RIMS2: variants seen among roughly 807,000 people sequenced by gnomAD.
RIMS2 encodes the protein regulating synaptic membrane exocytosis 2, also known as regulating synaptic membrane exocytosis protein 2.
In RIMS2, 59 loss-of-function variants were observed where a neutral mutation model predicts 174.4. That is an observed-to-expected ratio of 0.34 (90% CI 0.27 to 0.42). The LOEUF (loss-of-function observed/expected upper bound fraction) is 0.42, where lower values mean the gene tolerates loss of function less well. Ranked by LOEUF, RIMS2 falls within the 10% of genes least tolerant of loss-of-function variation. RIMS2 has a pLI of 1.00. For missense variants in RIMS2, 1,620 were observed against 1,666.3 expected, an observed-to-expected ratio of 0.97 and a Z score of 0.48; for synonymous variants, 606 against 572.5, an observed-to-expected ratio of 1.06 and a Z score of -0.84.
chr8:104,014,745 A>G (rs1311164353), intron 19 of RIMS2, 130 bp downstream of exon 21: 12 of 458,880 alleles, frequency 2.6e-5, no homozygotes, highest in Non-Finnish European at 4.6e-5. Flanking sequence ...ATTTGATAAT[A>G]GTTATATTTA....
chr8:103,615,063 C>T (rs1282773417), intron 1 of RIMS2, among the ~76,000 whole-genome samples: 2 of 152,234 alleles, frequency 1.3e-5, no homozygotes, highest in Middle Eastern at 3.4e-3. Context: ...CTCTTACTGG[C>T]TATAATTAGC....
intron 2 of RIMS2, among the ~76,000 whole-genome samples, chr8:103,750,687 T>C (rs2139703104): frequency 6.6e-6 from 1 of 152,200 alleles, no homozygotes; most frequent in East Asian, 1.9e-4. Context: ...GATGGTTTTA[T>C]AGGTGTCTGT....
At chr8:103,626,755 A>G (rs2449905) in intron 1 of RIMS2, among the ~76,000 whole-genome samples, 4,206 of 152,198 alleles carry the variant, frequency 0.028, 82 homozygotes, top group Middle Eastern at 0.054. Context: ...GTGTCATCAC[A>G]TATTGGTAGG....
chr8:104,160,533 AG>A (rs2098754670), intron 19 of RIMS2, among the ~76,000 whole-genome samples: 1 of 152,206 alleles, frequency 6.6e-6, no homozygotes, highest in Non-Finnish European at 1.5e-5. Flanking sequence ...AACTCTTGAA[AG>A]CTTTTGTTAA....
chr8:103,536,757 C>T (rs1352699805), intron 1 of RIMS2, among the ~76,000 whole-genome samples: 2 of 152,130 alleles, frequency 1.3e-5, no homozygotes, highest in Non-Finnish European at 2.9e-5. Context: ...GAGCTCTGCC[C>T]CTATGATCCA....
chr8:103,606,701 T>C (rs1162825573), intron 1 of RIMS2, among the ~76,000 whole-genome samples: 1 of 152,192 alleles, frequency 6.6e-6, no homozygotes, highest in Non-Finnish European at 1.5e-5. Context: ...TGGGTGCATA[T>C]ATATTTAGGA....
chr8:103,936,524 TTCATAATTCA>T lies in RIMS2; in HGVS notation c.2376-25_2376-16del. The stretch of plus-strand genomic sequence containing the variant: ...GACAAAACTTATAGTTCTATGTAAG[TTCATAATTCA>T]TTGTTTTTTTCCATAGTGATAAAAA... On this transcript the variant is annotated splice_polypyrimidine_tract_variant and intron_variant, in intron 12 of 23. Transcript: ENST00000504942. The T allele has an allele frequency of 6.9e-7, 1 of 1,449,782 alleles. No individual in the cohort carries two copies. The highest frequency in any genetic ancestry group is 9.3e-7 in the Non-Finnish European group (1 of 1,070,198). The allele number at this position is 1,449,782 out of a possible 1,614,324, so 89.8% of individuals were successfully genotyped here.
chr8:103,817,392 A>C (rs1331603589), intron 3 of RIMS2, among the ~76,000 whole-genome samples: 1 of 152,228 alleles, frequency 6.6e-6, no homozygotes, highest in Non-Finnish European at 1.5e-5. Context: ...ATCACAGGGA[A>C]GGAACATAGA....
chr8:104,036,800 C>A (rs1245088333), intron 19 of RIMS2, among the ~76,000 whole-genome samples: 1 of 152,084 alleles, frequency 6.6e-6, no homozygotes, highest in African/African-American at 2.4e-5. Context: ...TCGCTTGAAC[C>A]CGGGAGGCGG....
chr8:103,883,346 T>C (rs1243925829), intron 3 of RIMS2, among the ~76,000 whole-genome samples: 1 of 151,794 alleles, frequency 6.6e-6, no homozygotes, highest in African/African-American at 2.4e-5. Context: ...CTCTTCATGA[T>C]AGACTACTAT....
At chr8:103,694,049 G>A (rs1434598730) in intron 1 of RIMS2, among the ~76,000 whole-genome samples, 1 of 152,112 alleles carries the variant, frequency 6.6e-6, no homozygotes, top group African/African-American at 2.4e-5. Flanking sequence ...GAGTGGATTT[G>A]GAGACTTTTT....
At chr8:103,956,413 A>G (rs1031340178) in intron 14 of RIMS2, among the ~76,000 whole-genome samples, 2 of 152,204 alleles carry the variant, frequency 1.3e-5, no homozygotes, top group Non-Finnish European at 2.9e-5. Context: ...ATATAGACCA[A>G]TGGGACAGAA....
At chr8:104,042,297 C>T (rs1470563681) in intron 19 of RIMS2, among the ~76,000 whole-genome samples, 1 of 151,468 alleles carries the variant, frequency 6.6e-6, no homozygotes, top group Non-Finnish European at 1.5e-5. Flanking sequence ...AGTAGCTTCA[C>T]ACAAGTTTGG....
chr8:103,817,806 A>T (rs946773983), intron 3 of RIMS2, among the ~76,000 whole-genome samples: 4 of 152,086 alleles, frequency 2.6e-5, no homozygotes, highest in African/African-American at 9.7e-5. Flanking sequence ...AAAAATAAAT[A>T]AATAAAGCAT....
intron 19 of RIMS2, among the ~76,000 whole-genome samples, chr8:104,101,824 A>G (rs1247008493): frequency 6.6e-6 from 1 of 152,178 alleles, no homozygotes; most frequent in Non-Finnish European, 1.5e-5. Context: ...TTTATATTTT[A>G]TCAGGCAAAC....
chr8:103,885,402 G>T, exon 4 of RIMS2: 1 of 1,612,666 alleles, frequency 6.2e-7, no homozygotes, highest in Non-Finnish European at 8.5e-7. Flanking sequence ...GCAATGCCTA[G>T]ATCTCCATCA....
chr8:103,571,911 T>A (rs185217719), intron 1 of RIMS2, among the ~76,000 whole-genome samples: 201 of 152,292 alleles, frequency 1.3e-3, no homozygotes, highest in African/African-American at 4.5e-3. Flanking sequence ...CCAAAATTAA[T>A]AGTTCCCTCA....
At chr8:103,718,841 G>T (rs182907080) in intron 2 of RIMS2, among the ~76,000 whole-genome samples, 1 of 151,896 alleles carries the variant, frequency 6.6e-6, no homozygotes, top group African/African-American at 2.4e-5. Context: ...GTACATTTTT[G>T]TGTGTATTTT....
At chr8:103,659,127 T>C (rs1437889510) in intron 1 of RIMS2, among the ~76,000 whole-genome samples, 1 of 152,200 alleles carries the variant, frequency 6.6e-6, no homozygotes, top group Admixed American at 6.5e-5. Context: ...GACAAAAGAT[T>C]GTTTTTGTAA....
Sources: gnomAD v4.1 joint callset for allele counts (sites outside exome capture counted in the v4.1 genomes callset) on GRCh38, gnomAD v4.1.1 for gene constraint, MANE v1.5 for transcripts, NCBI Gene and HGNC (gene_info 2026-07-23, HGNC 2026-07-21) for gene names.